ZCCHC7: variants seen among roughly 807,000 people sequenced by gnomAD.
The protein encoded by ZCCHC7 is zinc finger CCHC domain-containing protein 7.
Under a neutral mutation model 52.0 loss-of-function variants are expected in ZCCHC7, and 35 were observed. The observed-to-expected ratio is 0.67, with a 90% CI of 0.51 to 0.89. The LOEUF (loss-of-function observed/expected upper bound fraction) is 0.89, where lower values mean the gene tolerates loss of function less well. Ranked by LOEUF, ZCCHC7 falls within the 40% of genes least tolerant of loss-of-function variation. The pLI, the probability that ZCCHC7 is intolerant of heterozygous loss-of-function variation, is 0.00. For synonymous variants in ZCCHC7, 217 were observed against 221.5 expected (o/e 0.98, Z 0.18); for missense variants, 574 against 649.1 (o/e 0.88, Z 1.26).
Position 37,269,040 on chromosome 9 carries a change from C to G in ZCCHC7, c.611-33148C>G, listed in dbSNP as rs1045418670. On this transcript the variant is annotated intron_variant, in intron 2 of 8. Transcript: ENST00000336755. ...GAATTAACTAGTCGAAATGGTGAGG[C>G]AAAGAGTGTTTTGATCCAAGGAAAT... 1.3e-5 allele frequency among the ~76,000 whole-genome samples: 2 copies of G among 152,082 alleles called. 1 individual carries two copies. The highest frequency in any genetic ancestry group is 2.9e-5 in the Non-Finnish European group (2 of 68,000).
chr9:37,356,406 A>G (rs186299), intron 8 of ZCCHC7, among the ~76,000 whole-genome samples: 133,750 of 152,272 alleles, frequency 0.88, 58,911 homozygotes, highest in Non-Finnish European at 0.91. Context: ...TAAAAGTACT[A>G]TGGCCAGGCC....
In ZCCHC7 at chr9:37,227,047, C is replaced by A. The variant is rs556494997; in HGVS notation, c.611-75141C>A. Among the ~76,000 whole-genome samples, 51 of 138,428 alleles carry A rather than the reference C, an allele frequency of 3.7e-4. No individual in the cohort carries two copies. In the South Asian group the frequency reaches 5.2e-3, roughly 14 times the overall value. The allele number at this position is 138,428 out of a possible 152,430, so 90.8% of individuals were successfully genotyped here. A position where few individuals can be genotyped will look rare whatever the true frequency, so the allele number is the denominator to read the frequency against. ...CCGTCTCAAAAAAAAAAAAAAAAAACCAGGATATCTGAATACCTTGGGTTA... is the reference window on the plus strand; with the variant it reads ...CCGTCTCAAAAAAAAAAAAAAAAAAACAGGATATCTGAATACCTTGGGTTA... On this transcript the variant is annotated intron_variant, in intron 2 of 8. Coordinates refer to ENST00000336755, the MANE Select transcript of ZCCHC7 (RefSeq NM_032226.3).
At chr9:37,175,454 A>G (rs1297894458) in intron 2 of ZCCHC7, among the ~76,000 whole-genome samples, 1 of 152,094 alleles carries the variant, frequency 6.6e-6, no homozygotes, top group Admixed American at 6.5e-5. Flanking sequence ...CTGTAATCCC[A>G]GCACTTTGGG....
intron 2 of ZCCHC7, among the ~76,000 whole-genome samples, chr9:37,218,942 ATT>A (rs5897682): frequency 3.1e-3 from 334 of 106,362 alleles, no homozygotes; most frequent in African/African-American, 8.3e-3. Flanking sequence ...CTAGAGCAAC[ATT>A]TTTTTTTTTT....
intron 2 of ZCCHC7, among the ~76,000 whole-genome samples, chr9:37,272,631 A>G (rs938943971): frequency 6.6e-6 from 1 of 151,876 alleles, no homozygotes; most frequent in East Asian, 1.9e-4. Context: ...ATGGAAATCA[A>G]TCACTTCTTT....
chr9:37,210,259 A>G (rs1824143946), intron 2 of ZCCHC7, among the ~76,000 whole-genome samples: 1 of 152,206 alleles, frequency 6.6e-6, no homozygotes, highest in South Asian at 2.1e-4. Flanking sequence ...GCTGGCTGCC[A>G]CTTGACACGG....
chr9:37,275,741 C>G (rs981541019), intron 2 of ZCCHC7, among the ~76,000 whole-genome samples: 1 of 152,174 alleles, frequency 6.6e-6, no homozygotes, highest in Admixed American at 6.5e-5. Context: ...CTCCCAGGTT[C>G]AAGCGATTCT....
chr9:37,142,043 C>G (rs1843250945), intron 2 of ZCCHC7, among the ~76,000 whole-genome samples: 1 of 151,714 alleles, frequency 6.6e-6, no homozygotes, highest in African/African-American at 2.4e-5. Flanking sequence ...TTATTGTGAT[C>G]AAAGCTACTT....
rs1315930791 is a variant in ZCCHC7, at chr9:37,190,813, G to T, written c.610+63871G>T. ...GCGGGTGGATCACCTGAAGTCAGGA[G>T]TTCGAGACCAGCCTGACCAACATGG... On this transcript the variant is annotated intron_variant, in intron 2 of 8. Transcript: ENST00000336755. 4.6e-5 allele frequency among the ~76,000 whole-genome samples: 7 copies of T among 152,246 alleles called. No homozygotes were observed. In the East Asian group the frequency reaches 1.4e-3, roughly 29 times the overall value.
Position 37,357,332 on chromosome 9 carries a change from T to A in ZCCHC7, c.*64T>A. 1 of 1,437,362 alleles carries A rather than the reference T, an allele frequency of 7.0e-7. No homozygotes were observed. The highest frequency in any genetic ancestry group is 9.3e-7 in the Non-Finnish European group (1 of 1,071,626). The allele number at this position is 1,437,362 out of a possible 1,614,324, so 89.0% of individuals were successfully genotyped here. On this transcript the variant is annotated 3_prime_UTR_variant, in exon 9 of 9. Coordinates refer to ENST00000336755, the MANE Select transcript of ZCCHC7 (RefSeq NM_032226.3). Reference sequence around the variant, plus strand: ...TTTGGCCTTTGTGTCTATAACCTTCTGGCACTGTGTTTATTATCTATGATT... The same window carrying A: ...TTTGGCCTTTGTGTCTATAACCTTCAGGCACTGTGTTTATTATCTATGATT...
chr9:37,245,893 C>T (rs1826062067), intron 2 of ZCCHC7, among the ~76,000 whole-genome samples: 1 of 151,812 alleles, frequency 6.6e-6, no homozygotes, highest in Non-Finnish European at 1.5e-5. Flanking sequence ...TGTGGCTGGA[C>T]CATAGGTTTT....
rs78990739 is a variant in ZCCHC7 at position 37,148,032 on chromosome 9, A to G, written c.610+21090A>G. Among the ~76,000 whole-genome samples, 16 of 152,232 alleles carry G rather than the reference A, an allele frequency of 1.1e-4. No individual in the cohort carries two copies. In the East Asian group the frequency reaches 2.9e-3, roughly 28 times the overall value. On this transcript the variant is annotated intron_variant, in intron 2 of 8. Coordinates refer to ENST00000336755, the MANE Select transcript of ZCCHC7 (RefSeq NM_032226.3). ...CATGTTGAGGAAGAAAAAAGAATCT[A>G]TACTTGCATCTGTCAGTATTATTGT...
chr9:37,137,402 GA>G (rs1843042183), intron 2 of ZCCHC7, among the ~76,000 whole-genome samples: 1 of 152,212 alleles, frequency 6.6e-6, no homozygotes, highest in Non-Finnish European at 1.5e-5. Flanking sequence ...GCCCTTAGTA[GA>G]AACTGAAGAC....
chr9:37,126,234 G>A, intron 1 of ZCCHC7, 78 bp from the exon 2 acceptor site: 1 of 1,328,406 alleles, frequency 7.5e-7, no homozygotes. Context: ...AGTTGTCACT[G>A]ACAGGTGATA....
At chr9:37,216,666 C>G (rs1028025848) in intron 2 of ZCCHC7, among the ~76,000 whole-genome samples, 1 of 152,090 alleles carries the variant, frequency 6.6e-6, no homozygotes, top group Non-Finnish European at 1.5e-5. Context: ...AAGAGAGAGA[C>G]TCTGTCTCAA....
At chr9:37,244,216 A>G (rs778628153) in intron 2 of ZCCHC7, among the ~76,000 whole-genome samples, 4 of 151,326 alleles carry the variant, frequency 2.6e-5, no homozygotes, top group Non-Finnish European at 4.4e-5. Flanking sequence ...AGTTAAGTGA[A>G]TTTTTATTGT....
intron 6 of ZCCHC7, among the ~76,000 whole-genome samples, chr9:37,337,003 G>A (rs1323386041): frequency 6.6e-6 from 1 of 152,114 alleles, no homozygotes; most frequent in East Asian, 1.9e-4. Context: ...CGGACAATTG[G>A]CGGAGGGGCC....
At chr9:37,355,273 A>G (rs920975672) in intron 8 of ZCCHC7, among the ~76,000 whole-genome samples, 3 of 152,164 alleles carry the variant, frequency 2.0e-5, no homozygotes, top group South Asian at 4.1e-4. Context: ...CAAGTTCACA[A>G]CCACCTCTGT....
intron 2 of ZCCHC7, among the ~76,000 whole-genome samples, chr9:37,178,621 CATGTTGTTGGAAT>C (rs1822185393): frequency 1.3e-5 from 2 of 152,102 alleles, no homozygotes; most frequent in South Asian, 4.1e-4. Context: ...GGTGTTGGTA[CATGTTGTTGGAAT>C]AATTCACAGT....
Sources: gnomAD v4.1 joint callset for allele counts (sites outside exome capture counted in the v4.1 genomes callset) on GRCh38, gnomAD v4.1.1 for gene constraint, MANE v1.5 for transcripts, NCBI Gene and HGNC (gene_info 2026-07-23, HGNC 2026-07-21) for gene names.